The following ODAD2 variants were observed in gnomAD, a reference collection of about 807,000 sequenced individuals.
ODAD2 encodes outer dynein arm-docking complex subunit 2.
A neutral mutation model predicts 106.8 loss-of-function variants in ODAD2; 89 were observed. The observed-to-expected ratio is 0.83, with a 90% CI of 0.70 to 0.99. The LOEUF (loss-of-function observed/expected upper bound fraction) is 0.99. Ranked by LOEUF, ODAD2 falls within the 50% of genes least tolerant of loss-of-function variation. The pLI, the probability that ODAD2 is intolerant of heterozygous loss-of-function variation, is 0.00. For synonymous variants in ODAD2, 404 were observed against 436.2 expected, an observed-to-expected ratio of 0.93 and a Z score of 0.92; for missense variants, 1,168 against 1,238.5, an observed-to-expected ratio of 0.94 and a Z score of 0.85.
intron 16 of ODAD2, among the ~76,000 whole-genome samples, chr10:27,913,969 T>C (rs1030021813): frequency 6.6e-6 from 1 of 152,126 alleles, no homozygotes; most frequent in African/African-American, 2.4e-5. Context: ...AACCCAGCAA[T>C]CCCATTATTA....
At chr10:27,890,645 G>T (rs1842495621) in intron 17 of ODAD2, among the ~76,000 whole-genome samples, 1 of 152,090 alleles carries the variant, frequency 6.6e-6, no homozygotes, top group Admixed American at 6.6e-5. Flanking sequence ...GAGGAGAAAG[G>T]AAAGTGATAG....
intron 17 of ODAD2, among the ~76,000 whole-genome samples, chr10:27,870,491 C>T (rs1444684498): frequency 1.3e-5 from 2 of 152,098 alleles, no homozygotes; most frequent in Non-Finnish European, 2.9e-5. Flanking sequence ...TCTCCTAATG[C>T]TATCCCTCCC....
intron 16 of ODAD2, among the ~76,000 whole-genome samples, chr10:27,912,394 C>T (rs917005127): frequency 2.0e-5 from 3 of 152,036 alleles, no homozygotes; most frequent in Admixed American, 6.6e-5. Flanking sequence ...CATGTACGTG[C>T]TTTTGGTTAT....
chr10:27,944,314 G>T lies in ODAD2; in HGVS notation c.1651C>A (p.Leu551Ile), dbSNP rs759122067. The T allele has an allele frequency of 1.4e-5, 23 of 1,613,892 alleles. No individual in the cohort carries two copies. Among genetic ancestry groups the T allele is most frequent in the Non-Finnish European group, 1.9e-5 (22 of 1,179,988 alleles). Residue 551 changes from leucine to isoleucine, a missense_variant, in exon 12 of 20, where the codon CTA becomes ATA. By Grantham distance (5) the Leu-to-Ile change is conservative. Transcript: ENST00000305242. ...VNILDSPHKS[L>I]KCLAAETIAN... is the part of the protein sequence containing the mutation. ...ATAGTCTCGGCTGCCAAACATTTTAGACTCTTGTGTGGAGAATCAAGTATA... is the reference window on the plus strand; with the variant it reads ...ATAGTCTCGGCTGCCAAACATTTTATACTCTTGTGTGGAGAATCAAGTATA...
At chr10:27,871,664 G>A (rs1840902464) in intron 17 of ODAD2, among the ~76,000 whole-genome samples, 1 of 152,284 alleles carries the variant, frequency 6.6e-6, no homozygotes, top group South Asian at 2.1e-4. Context: ...TCAGATGGTT[G>A]TAGATGTGTG....
chr10:27,981,717 T>C (rs1186626524), intron 6 of ODAD2, 135 bp from the exon 7 acceptor site: 1 of 624,840 alleles, frequency 1.6e-6, no homozygotes, highest in African/African-American at 1.9e-5. Context: ...ATACAGGAAA[T>C]GTATAGGCAA....
At chr10:27,973,513 A>G (rs1848996123) in intron 7 of ODAD2, among the ~76,000 whole-genome samples, 1 of 152,028 alleles carries the variant, frequency 6.6e-6, no homozygotes, top group Non-Finnish European at 1.5e-5. Flanking sequence ...AGTAGGCCCC[A>G]GGGTCTATTG....
intron 16 of ODAD2, among the ~76,000 whole-genome samples, chr10:27,925,737 T>C (rs571378387): frequency 2.0e-5 from 3 of 152,310 alleles, no homozygotes; most frequent in Non-Finnish European, 4.4e-5. Context: ...GTTATTCTTT[T>C]ACTTCATAGA....
intron 19 of ODAD2, among the ~76,000 whole-genome samples, chr10:27,846,671 C>T (rs1378607245): frequency 1.4e-5 from 2 of 147,830 alleles, no homozygotes; most frequent in Non-Finnish European, 3.0e-5. Context: ...ATTGATAGAC[C>T]ACTAGCGAGA....
At chr10:27,922,942 C>T (rs1367748695) in intron 16 of ODAD2, among the ~76,000 whole-genome samples, 1 of 150,140 alleles carries the variant, frequency 6.7e-6, no homozygotes, top group African/African-American at 2.5e-5. Flanking sequence ...AACAAACAAA[C>T]AAAAAACAAA....
chr10:27,971,186 T>G lies in ODAD2; in HGVS notation c.1064A>C (p.Gln355Pro). Residue 355 changes from glutamine (Q) to proline (P), a missense_variant, in exon 8 of 20, where the codon CAA becomes CCA. Physicochemically the swap from Gln to Pro is moderately conservative, Grantham distance 76 (BLOSUM62 -1). Around this residue, in one of 3 missense-constraint regions of ODAD2, gnomAD observed 430 missense variants for 452.2 expected, o/e 0.95. Coordinates refer to ENST00000305242, the MANE Select transcript of ODAD2 (RefSeq NM_018076.5). ...GSDKRSLEKN[Q>P]INFWRNQMTK... Reference sequence around the variant, plus strand: ...CATTTGATTCCTCCAAAAATTAATTTGGTTCTTCTCCAGTGACCTTTTGTC... The same window carrying G: ...CATTTGATTCCTCCAAAAATTAATTGGGTTCTTCTCCAGTGACCTTTTGTC... 2 of 1,614,012 alleles carry G rather than the reference T, an allele frequency of 1.2e-6. No homozygotes were observed. Among genetic ancestry groups the G allele is most frequent in the Non-Finnish European group, 1.7e-6 (2 of 1,179,924 alleles).
At chr10:27,962,240 G>A (rs1281500470) in intron 9 of ODAD2, among the ~76,000 whole-genome samples, 2 of 152,190 alleles carry the variant, frequency 1.3e-5, no homozygotes, top group Non-Finnish European at 2.9e-5. Context: ...GCCACTCATT[G>A]CATGTGGTCA....
chr10:27,897,049 A>T lies in ODAD2; in HGVS notation c.2610+10614T>A, dbSNP rs530354058. 5.3e-5 allele frequency among the ~76,000 whole-genome samples: 8 copies of T among 152,168 alleles called. 1 individual carries two copies. In the South Asian group the frequency reaches 1.5e-3, roughly 28 times the overall value. On this transcript the variant is annotated intron_variant, in intron 17 of 19. Coordinates refer to ENST00000305242, the MANE Select transcript of ODAD2 (RefSeq NM_018076.5). Reference sequence around the variant, plus strand: ...ATGTACTCTTTTCACTTTTCAAGGGAAATTGTCTTCTTAGGGGTAAATAAT... The same window carrying T: ...ATGTACTCTTTTCACTTTTCAAGGGTAATTGTCTTCTTAGGGGTAAATAAT...
intron 17 of ODAD2, among the ~76,000 whole-genome samples, chr10:27,875,338 G>C (rs1841250339): frequency 6.6e-6 from 1 of 152,156 alleles, no homozygotes; most frequent in Non-Finnish European, 1.5e-5. Flanking sequence ...ATCTTCTGAA[G>C]CCTTCTTCTC....
chr10:27,905,646 A>G (rs897612232), intron 17 of ODAD2, among the ~76,000 whole-genome samples: 1 of 152,210 alleles, frequency 6.6e-6, no homozygotes. Flanking sequence ...CTAAAACAGC[A>G]TGGTACTGGT....
chr10:27,832,993 C>G (rs1341544772), intron 19 of ODAD2, among the ~76,000 whole-genome samples: 1 of 152,156 alleles, frequency 6.6e-6, no homozygotes, highest in Non-Finnish European at 1.5e-5. Context: ...GCTTTTCCAA[C>G]TTGGCAGGGG....
chr10:27,913,299 T>C (rs1844138049), intron 16 of ODAD2, among the ~76,000 whole-genome samples: 1 of 152,068 alleles, frequency 6.6e-6, no homozygotes, highest in African/African-American at 2.4e-5. Flanking sequence ...CATCTTCAAG[T>C]AGGCCCTGGA....
chr10:27,890,847 G>A (rs751193375), intron 17 of ODAD2, among the ~76,000 whole-genome samples: 2 of 151,958 alleles, frequency 1.3e-5, no homozygotes, highest in Non-Finnish European at 2.9e-5. Context: ...CCAGATGGGT[G>A]CATACTTAGA....
chr10:27,977,858 G>A (rs1449115228), intron 7 of ODAD2, among the ~76,000 whole-genome samples: 1 of 152,180 alleles, frequency 6.6e-6, no homozygotes, highest in East Asian at 1.9e-4. Flanking sequence ...AATGTCTGTA[G>A]TTAAAAGACT....
Sources: gnomAD v4.1 joint callset for allele counts (sites outside exome capture counted in the v4.1 genomes callset) on GRCh38, gnomAD v4.1.1 for gene constraint, gnomAD v4.1.1 regional missense constraint, MANE v1.5 for transcripts, NCBI Gene and HGNC (gene_info 2026-07-23, HGNC 2026-07-21) for gene names.